The following MAP4K1 variants were observed in gnomAD, a reference collection of about 807,000 sequenced individuals.
The protein encoded by MAP4K1 is mitogen-activated protein kinase kinase kinase kinase 1.
MAP4K1 carries 35 observed loss-of-function variants against 122.8 expected under a neutral mutation model. The ratio of observed to expected loss-of-function variants is 0.29; its 90% CI spans 0.22 to 0.38. The LOEUF (loss-of-function observed/expected upper bound fraction) is 0.38. MAP4K1 is among the 10% of genes least tolerant of loss of function. MAP4K1 has a pLI of 1.00. For synonymous variants in MAP4K1, 412 were observed against 421.3 expected (o/e 0.98, Z 0.27); for missense variants, 791 against 1,072.6 (o/e 0.74, Z 3.67).
chr19:38,603,868 T>C (rs1031362888), intron 19 of MAP4K1, among the ~76,000 whole-genome samples: 4 of 151,328 alleles, frequency 2.6e-5, no homozygotes, highest in Non-Finnish European at 5.9e-5. Context: ...CCTGTAGTCA[T>C]GGCTACTTAG....
rs765763004 is a variant in MAP4K1 at position 38,587,832 on chromosome 19, G to A, written c.2397-15C>T. 2 of 1,598,650 alleles carry A rather than the reference G, an allele frequency of 1.3e-6. No homozygotes were observed. Among genetic ancestry groups the A allele is most frequent in the East Asian group, 4.5e-5 (2 of 44,806 alleles). ...CCACTACAGGCCTGTGGAAGGAAGA[G>A]ATAAGTCAGTTCATTTATTCATTCA... On this transcript the variant is annotated splice_polypyrimidine_tract_variant and intron_variant, in intron 30 of 30. Coordinates refer to ENST00000396857, the MANE Select transcript of MAP4K1 (RefSeq NM_001042600.3).
intron 4 of MAP4K1, among the ~76,000 whole-genome samples, chr19:38,615,649 CTT>C (rs1413114914): frequency 2.6e-5 from 4 of 152,088 alleles, no homozygotes; most frequent in African/African-American, 7.2e-5. Flanking sequence ...CACTTCCTCT[CTT>C]TGGGCCTCAG....
At chr19:38,593,364 T>G in intron 29 of MAP4K1, 27 bp from the exon 30 acceptor site, 2 of 1,588,802 alleles carry the variant, frequency 1.3e-6, no homozygotes, top group Non-Finnish European at 1.7e-6. Context: ...TGTGTCTCAG[T>G]GCCTGGAAGA....
At chr19:38,596,533 G>A (rs1278340684) in intron 25 of MAP4K1, 47 bp from the exon 26 acceptor site, 1 of 1,423,900 alleles carries the variant, frequency 7.0e-7, no homozygotes, top group East Asian at 2.5e-5. Flanking sequence ...GTTCAGGACG[G>A]GGCCTCAGGG....
At chr19:38,595,789 C>T in intron 27 of MAP4K1, 60 bp from the exon 28 acceptor site, 1 of 1,499,586 alleles carries the variant, frequency 6.7e-7, no homozygotes, top group Non-Finnish European at 9.2e-7. Flanking sequence ...TACTAAGGGA[C>T]CAATCCATAA....
intron 30 of MAP4K1, among the ~76,000 whole-genome samples, chr19:38,590,514 T>A (rs540969258): frequency 8.1e-4 from 121 of 149,310 alleles, no homozygotes; most frequent in African/African-American, 2.8e-3. Flanking sequence ...AGTCTCGCTC[T>A]GTCACCCAGG....
chr19:38,592,547 C>A (rs535693226), intron 30 of MAP4K1: 1 of 151,170 alleles, frequency 6.6e-6, no homozygotes, highest in Admixed American at 6.6e-5. Flanking sequence ...TGCACTCCAG[C>A]CTGGGCAACA....
rs1974860742 is a variant in MAP4K1, at chr19:38,595,924, A to C, written c.2179+15T>G. The C allele has an allele frequency of 6.2e-7, 1 of 1,613,644 alleles. No individual in the cohort carries two copies. The highest frequency in any genetic ancestry group is 8.5e-7 in the Non-Finnish European group (1 of 1,179,708). ...TGGAGGGGTGGGGAGGAAGGGGAGG[A>C]AGGAGGGTTCTCACCATCCATCAAC... On this transcript the variant is annotated intron_variant, in intron 27 of 30. Transcript: ENST00000396857.
intron 19 of MAP4K1, among the ~76,000 whole-genome samples, chr19:38,603,712 G>C (rs867114844): frequency 6.6e-6 from 1 of 151,992 alleles, no homozygotes; most frequent in South Asian, 2.1e-4. Context: ...GGCCGGGCGC[G>C]GTGGCTCACG....
At chr19:38,601,964 G>C (rs1020227131) in intron 19 of MAP4K1, among the ~76,000 whole-genome samples, 3 of 152,132 alleles carry the variant, frequency 2.0e-5, no homozygotes, top group African/African-American at 7.2e-5. Flanking sequence ...TTTTAGTAGA[G>C]ATGGAGTTTT....
chr19:38,605,852 G>T (rs566297328), intron 17 of MAP4K1, 122 bp from the exon 18 acceptor site: 4 of 871,200 alleles, frequency 4.6e-6, no homozygotes, highest in South Asian at 1.8e-5. Flanking sequence ...CCACCCCCCC[G>T]ACAACATCTT....
At chr19:38,593,425 G>A (rs1974785651) in intron 29 of MAP4K1, 88 bp from the exon 30 acceptor site, 7 of 1,224,688 alleles carry the variant, frequency 5.7e-6, no homozygotes, top group Non-Finnish European at 8.1e-6. Context: ...GCAAGGAGCT[G>A]GGCACGGTGG....
intron 3 of MAP4K1, 76 bp from the exon 4 acceptor site, chr19:38,616,335 C>T (rs1975647847): frequency 8.6e-7 from 1 of 1,157,278 alleles, no homozygotes; most frequent in African/African-American, 1.5e-5. Flanking sequence ...TGGTTTGCTT[C>T]TGTCTTGTTC....
intron 13 of MAP4K1, among the ~76,000 whole-genome samples, chr19:38,608,617 G>C (rs550999627): frequency 6.6e-6 from 1 of 151,766 alleles, no homozygotes; most frequent in Non-Finnish European, 1.5e-5. Context: ...TCAACATGGT[G>C]AAGCCCCGTC....
At chr19:38,589,233 G>A in intron 30 of MAP4K1, 1 of 173,238 alleles carries the variant, frequency 5.8e-6, no homozygotes, top group South Asian at 8.9e-5. Context: ...AACCTGGGAG[G>A]AGGAGGTTGC....
At chr19:38,616,514 A>C (rs191332001) in intron 3 of MAP4K1, among the ~76,000 whole-genome samples, 1 of 152,124 alleles carries the variant, frequency 6.6e-6, no homozygotes, top group Non-Finnish European at 1.5e-5. Flanking sequence ...GCGGGACCCC[A>C]CTGCCGTCCC....
intron 29 of MAP4K1, among the ~76,000 whole-genome samples, chr19:38,594,975 A>ATCTATCTATCTATCTG (rs1555808084): frequency 1.3e-4 from 20 of 150,958 alleles, no homozygotes; most frequent in Middle Eastern, 3.4e-3. Flanking sequence ...CTATCTATCT[A>ATCTATCTATCTATCTG]TCTATCTATC....
intron 16 of MAP4K1, among the ~76,000 whole-genome samples, chr19:38,607,578 A>AG (rs1488135563): frequency 1.3e-5 from 2 of 150,562 alleles, no homozygotes; most frequent in Non-Finnish European, 3.0e-5. Flanking sequence ...AAAAAAAAAA[A>AG]AAGAAGAAGG....
At position 38,596,013 on chromosome 19, in the gene MAP4K1, G is replaced by A. The variant is rs781586977; in HGVS notation, c.2117-12C>T. 10 of 1,613,326 alleles carry A rather than the reference G, an allele frequency of 6.2e-6. No homozygotes were observed. The highest frequency in any genetic ancestry group is 5.3e-5 in the African/African-American group (4 of 74,806). On this transcript the variant is annotated splice_polypyrimidine_tract_variant and intron_variant, in intron 26 of 30. Transcript: ENST00000396857. ...GGGTCCCCTGTGCTCTGTTTGGGGG[G>A]AGTGGGTTAAGGATTGACCCCACCC...
Sources: allele counts gnomAD v4.1 joint callset (sites outside exome capture counted in the v4.1 genomes callset), GRCh38; gene constraint gnomAD v4.1.1; transcripts MANE v1.5; gene names NCBI Gene and HGNC (gene_info 2026-07-23, HGNC 2026-07-21).